The following AKAP19 variants were observed in gnomAD, a reference collection of about 807,000 sequenced individuals.
AKAP19 encodes the protein A-kinase anchoring protein 19.
the AKAP19 span, among the ~76,000 whole-genome samples, chr2:190,068,364 CTG>C: frequency 1.3e-5 from 2 of 152,178 alleles, no homozygotes; most frequent in African/African-American, 4.8e-5. Flanking sequence ...GAGTCTCACT[CTG>C]TCACCCAGGC....
the AKAP19 span, among the ~76,000 whole-genome samples, chr2:189,995,574 T>C: frequency 0.034 from 5,230 of 152,286 alleles, 288 homozygotes; most frequent in African/African-American, 0.12. Context: ...TATTCTGCCA[T>C]TCTGTATATT....
chr2:190,006,580 AG>A, the AKAP19 span, among the ~76,000 whole-genome samples: 3 of 149,978 alleles, frequency 2.0e-5, no homozygotes, highest in African/African-American at 7.4e-5. Flanking sequence ...CAGAGCTTGC[AG>A]TGAGCCGAGA....
the AKAP19 span, among the ~76,000 whole-genome samples, chr2:190,176,874 C>T: frequency 1.3e-5 from 2 of 152,248 alleles, no homozygotes; most frequent in South Asian, 4.1e-4. This position sits in a 1 kb window ranked among gnomAD's most constrained non-coding sequence, Gnocchi z 4.7. Flanking sequence ...TTAGCAAATA[C>T]GAGGTAAGTT....
chr2:190,047,110 A>C, the AKAP19 span, among the ~76,000 whole-genome samples: 5 of 152,288 alleles, frequency 3.3e-5, no homozygotes, highest in African/African-American at 1.2e-4. Flanking sequence ...TCAGGGAGAC[A>C]TACAAGGACA....
the AKAP19 span, among the ~76,000 whole-genome samples, chr2:190,167,032 G>T: frequency 6.6e-6 from 1 of 152,194 alleles, no homozygotes; most frequent in African/African-American, 2.4e-5. Flanking sequence ...AGTTCAGCAA[G>T]TTAGGATACC....
chr2:190,115,614 C>T, the AKAP19 span, among the ~76,000 whole-genome samples: 10 of 151,820 alleles, frequency 6.6e-5, no homozygotes, highest in South Asian at 2.1e-4. Context: ...CCACCGCGCC[C>T]GGCCAAGAAG....
chr2:190,022,443 T>G, the AKAP19 span, among the ~76,000 whole-genome samples: 2 of 152,190 alleles, frequency 1.3e-5, no homozygotes, highest in Non-Finnish European at 2.9e-5. Flanking sequence ...TTGTATCTTA[T>G]TAACCAGTTC....
At chr2:190,150,463 T>G in the AKAP19 span, 1 of 152,266 alleles carries the variant, frequency 6.6e-6, no homozygotes, top group South Asian at 2.1e-4. Context: ...AGTCAGAAAT[T>G]TCTCCCACAA....
chr2:190,177,319 C>G, the AKAP19 span, among the ~76,000 whole-genome samples: 5 of 152,198 alleles, frequency 3.3e-5, no homozygotes, highest in African/African-American at 1.2e-4. This position sits in a 1 kb window ranked among gnomAD's most constrained non-coding sequence, Gnocchi z 4.6. Context: ...CGTTACCTCT[C>G]TCTAGCGTAC....
the AKAP19 span, among the ~76,000 whole-genome samples, chr2:190,139,986 G>C: frequency 6.6e-6 from 1 of 152,114 alleles, no homozygotes; most frequent in Non-Finnish European, 1.5e-5. Flanking sequence ...AGATACTATG[G>C]GGGTACAGGC....
chr2:190,059,977 T>A, the AKAP19 span: 1 of 1,400,528 alleles, frequency 7.1e-7, no homozygotes, highest in South Asian at 1.2e-5. Flanking sequence ...GCTTAGGGAA[T>A]TTGTAGCTAT....
the AKAP19 span, among the ~76,000 whole-genome samples, chr2:189,994,593 G>GTTATTATTA: frequency 6.6e-6 from 1 of 150,648 alleles, no homozygotes; most frequent in Non-Finnish European, 1.5e-5. Context: ...TATTATTATT[G>GTTATTATTA]TTATTATTAT....
chr2:190,008,109 C>T, the AKAP19 span, among the ~76,000 whole-genome samples: 1 of 152,212 alleles, frequency 6.6e-6, no homozygotes, highest in South Asian at 2.1e-4. Context: ...GTAAAGTTTA[C>T]TGGTACCGAC....
chr2:190,019,978 C>G, the AKAP19 span, among the ~76,000 whole-genome samples: 4 of 152,166 alleles, frequency 2.6e-5, no homozygotes, highest in African/African-American at 9.7e-5. Context: ...GTAGTGAGGA[C>G]TGGGACCTCC....
the AKAP19 span, among the ~76,000 whole-genome samples, chr2:190,110,648 T>C: frequency 6.6e-6 from 1 of 152,214 alleles, no homozygotes; most frequent in African/African-American, 2.4e-5. Flanking sequence ...TACTCTTACA[T>C]AGGACAATTA....
chr2:190,102,826 C>T, the AKAP19 span, among the ~76,000 whole-genome samples: 4 of 152,124 alleles, frequency 2.6e-5, no homozygotes, highest in Admixed American at 1.3e-4. Flanking sequence ...GGAAGGACTC[C>T]TTCCTAACTC....
At chr2:190,057,928 C>G in the AKAP19 span, among the ~76,000 whole-genome samples, 1 of 151,638 alleles carries the variant, frequency 6.6e-6, no homozygotes, top group Non-Finnish European at 1.5e-5. Context: ...AATGGATGTC[C>G]TGAAAATATT....
chr2:190,059,712 T>C, the AKAP19 span, among the ~76,000 whole-genome samples: 2 of 151,998 alleles, frequency 1.3e-5, no homozygotes, highest in African/African-American at 4.8e-5. Context: ...TTGGTTTATG[T>C]GGTAAAATCC....
the AKAP19 span, among the ~76,000 whole-genome samples, chr2:189,915,013 T>G: frequency 6.6e-6 from 1 of 152,180 alleles, no homozygotes; most frequent in Non-Finnish European, 1.5e-5. Flanking sequence ...TGACTGTTCT[T>G]TTTTGAAGCC....
Sources: allele counts gnomAD v4.1 joint callset (sites outside exome capture counted in the v4.1 genomes callset), GRCh38; gene constraint gnomAD v4.1.1; non-coding constraint Gnocchi (gnomAD v3.1); transcripts MANE v1.5; gene names NCBI Gene and HGNC (gene_info 2026-07-23, HGNC 2026-07-21).